PTPRT: variants seen among roughly 807,000 people sequenced by gnomAD.
The protein encoded by PTPRT is receptor-type tyrosine-protein phosphatase T.
In PTPRT, 56 loss-of-function variants were observed where a neutral mutation model predicts 176.8. The observed-to-expected ratio is 0.32, with a 90% CI of 0.26 to 0.40. The LOEUF (loss-of-function observed/expected upper bound fraction) is 0.40. PTPRT is among the 10% of genes least tolerant of loss of function. The probability of loss-of-function intolerance (pLI) is 1.00; values close to 1 mark genes in which losing one functional copy is unlikely to be tolerated. For synonymous variants in PTPRT, 783 were observed against 739.0 expected, an observed-to-expected ratio of 1.06 and a Z score of -0.96; for missense variants, 1,540 against 1,908.2, an observed-to-expected ratio of 0.81 and a Z score of 3.60.
At chr20:42,412,456 G>A (rs187543866) in intron 9 of PTPRT, among the ~76,000 whole-genome samples, 23 of 152,298 alleles carry the variant, frequency 1.5e-4, no homozygotes, top group African/African-American at 4.6e-4. Context: ...GGGACTCTTC[G>A]ATACAGTGCA....
At chr20:42,939,952 AC>A (rs1980437019) in intron 1 of PTPRT, among the ~76,000 whole-genome samples, 1 of 152,202 alleles carries the variant, frequency 6.6e-6, no homozygotes, top group South Asian at 2.1e-4. Flanking sequence ...TTCCCACTCA[AC>A]ACCACTATTC....
Position 42,610,513 on chromosome 20 carries a change from C to G in PTPRT, c.1153+67353G>C, listed in dbSNP as rs370163300. Among the ~76,000 whole-genome samples, 43 of 151,972 alleles carry G rather than the reference C, an allele frequency of 2.8e-4. No homozygotes were observed. In the East Asian group the frequency reaches 5.8e-3, roughly 21 times the overall value. ...GGGATTACAGGCGTGAGCCACCATG[C>G]CTGACCTGAAATATGTAGATTTGAA... is the stretch of plus-strand genomic sequence containing the variant. On this transcript the variant is annotated intron_variant, in intron 7 of 30. Transcript: ENST00000373187.
chr20:42,730,925 C>A (rs1188495413), intron 6 of PTPRT, among the ~76,000 whole-genome samples: 1 of 152,198 alleles, frequency 6.6e-6, no homozygotes, highest in Non-Finnish European at 1.5e-5. Flanking sequence ...CCAGCCCAGC[C>A]TCCCCCACTT....
intron 9 of PTPRT, among the ~76,000 whole-genome samples, chr20:42,399,840 C>T (rs1009506752): frequency 1.3e-5 from 2 of 152,242 alleles, no homozygotes; most frequent in Non-Finnish European, 2.9e-5. Flanking sequence ...CCACCATTTA[C>T]ATCACTTTTC....
chr20:42,514,297 T>C (rs1210573724), intron 7 of PTPRT, among the ~76,000 whole-genome samples: 1 of 152,250 alleles, frequency 6.6e-6, no homozygotes, highest in East Asian at 1.9e-4. Context: ...TGTCACACTT[T>C]TAAACATTTC....
chr20:42,844,784 G>A (rs1014924159), intron 2 of PTPRT, among the ~76,000 whole-genome samples: 14 of 152,200 alleles, frequency 9.2e-5, no homozygotes, highest in African/African-American at 2.2e-4. Context: ...TCATCAGTTC[G>A]AGCCCCTGTT....
intron 9 of PTPRT, among the ~76,000 whole-genome samples, chr20:42,380,824 T>G (rs1318944847): frequency 6.6e-6 from 1 of 152,210 alleles, no homozygotes; most frequent in African/African-American, 2.4e-5. Context: ...TTTGCATTGC[T>G]ATAAAGAAAT....
chr20:42,518,083 C>T (rs1174304155), intron 7 of PTPRT, among the ~76,000 whole-genome samples: 1 of 151,824 alleles, frequency 6.6e-6, no homozygotes, highest in Non-Finnish European at 1.5e-5. Flanking sequence ...CTAACATTTG[C>T]TTTGAATTTT....
intron 2 of PTPRT, among the ~76,000 whole-genome samples, chr20:42,831,938 A>G (rs1364092686): frequency 6.6e-6 from 1 of 152,274 alleles, no homozygotes; most frequent in African/African-American, 2.4e-5. Context: ...GAGAGTGTAA[A>G]TTAGTTCAGC....
At chr20:42,235,186 G>T (rs1193631540) in intron 15 of PTPRT, among the ~76,000 whole-genome samples, 1 of 152,098 alleles carries the variant, frequency 6.6e-6, no homozygotes, top group African/African-American at 2.4e-5. Context: ...TTATCACCAA[G>T]GATCTACTGT....
chr20:42,907,202 G>A lies in PTPRT; in HGVS notation c.89-21270C>T, dbSNP rs79102057. Among the ~76,000 whole-genome samples the A allele has an allele frequency of 6.9e-3, 1,054 of 152,236 alleles. 22 individuals carry two copies. Among genetic ancestry groups the A allele is most frequent in the African/African-American group, 0.024 (1,004 of 41,536 alleles). ...GATCCACTGAAAGAACCCGAAGAAC[G>A]CTTTAAATAGTGTGAAGTGTCCTAA... is the stretch of plus-strand genomic sequence containing the variant. On this transcript the variant is annotated intron_variant, in intron 1 of 30. Transcript: ENST00000373187.
rs549228342 is a variant in PTPRT at position 42,512,285 on chromosome 20, C to T, written c.1154-39723G>A. On this transcript the variant is annotated intron_variant, in intron 7 of 30. Coordinates refer to ENST00000373187, the MANE Select transcript of PTPRT (RefSeq NM_007050.6). The stretch of plus-strand genomic sequence containing the variant: ...TACTATCCTTCCATAGTCACAGTGT[C>T]CCTAAAACTTCCCACACAACTCCTA... Among the ~76,000 whole-genome samples the T allele has an allele frequency of 3.3e-5, 5 of 152,232 alleles. No individual in the cohort carries two copies. The South Asian group carries it at 1.0e-3, about 32-fold the overall frequency.
chr20:42,264,890 GA>G (rs1221955271), intron 13 of PTPRT, among the ~76,000 whole-genome samples: 4 of 152,308 alleles, frequency 2.6e-5, no homozygotes, highest in Admixed American at 1.3e-4. Flanking sequence ...ACGTTTCTCA[GA>G]AACCACAGTT....
chr20:42,311,411 A>G (rs988646335), intron 12 of PTPRT, among the ~76,000 whole-genome samples: 2 of 152,168 alleles, frequency 1.3e-5, no homozygotes, highest in Admixed American at 6.5e-5. Flanking sequence ...CCATAGAACA[A>G]AGATGTCCAG....
At chr20:43,138,840 G>A (rs566926797) in intron 1 of PTPRT, among the ~76,000 whole-genome samples, 3 of 152,232 alleles carry the variant, frequency 2.0e-5, no homozygotes, top group South Asian at 2.1e-4. Context: ...TTGTCAACAT[G>A]AAACCAAACC....
intron 2 of PTPRT, among the ~76,000 whole-genome samples, chr20:42,801,385 A>T (rs187740293): frequency 3.3e-5 from 5 of 152,268 alleles, no homozygotes; most frequent in African/African-American, 1.2e-4. Flanking sequence ...CTGCCACTGC[A>T]TCCCTAACTC....
intron 1 of PTPRT, among the ~76,000 whole-genome samples, chr20:42,959,647 C>T (rs989249708): frequency 6.6e-6 from 1 of 152,100 alleles, no homozygotes; most frequent in Non-Finnish European, 1.5e-5. Flanking sequence ...AAAACAAAAG[C>T]CCAGGGTTTC....
intron 1 of PTPRT, among the ~76,000 whole-genome samples, chr20:43,146,756 T>G (rs1454135477): frequency 6.6e-6 from 1 of 152,158 alleles, no homozygotes; most frequent in Admixed American, 6.5e-5. Context: ...TGCTGTCTTC[T>G]TTTTCTTAAA....
At chr20:42,554,520 A>G (rs991778234) in intron 7 of PTPRT, among the ~76,000 whole-genome samples, 1 of 152,172 alleles carries the variant, frequency 6.6e-6, no homozygotes. Flanking sequence ...CTACAAGAGT[A>G]ACAGCCTCTT....
Sources: gnomAD v4.1 joint callset for allele counts (sites outside exome capture counted in the v4.1 genomes callset) on GRCh38, gnomAD v4.1.1 for gene constraint, MANE v1.5 for transcripts, NCBI Gene and HGNC (gene_info 2026-07-23, HGNC 2026-07-21) for gene names.